Variants in SCFD1 observed in about 807,000 individuals in gnomAD.
The protein encoded by SCFD1 is sec1 family domain-containing protein 1.
SCFD1 carries 37 observed loss-of-function variants against 103.2 expected under a neutral mutation model. The ratio of observed to expected loss-of-function variants is 0.36; its 90% CI spans 0.28 to 0.47. The LOEUF is 0.47. SCFD1 is among the 20% of genes least tolerant of loss of function. The pLI is 1.00. For synonymous variants in SCFD1, 264 were observed against 245.0 expected, an observed-to-expected ratio of 1.08 and a Z score of -0.73; for missense variants, 639 against 761.2, an observed-to-expected ratio of 0.84 and a Z score of 1.89.
intron 14 of SCFD1, chr14:30,683,270 C>A: frequency 9.8e-7 from 1 of 1,019,860 alleles, no homozygotes; most frequent in South Asian, 1.6e-5. Context: ...CATATGTTAC[C>A]CTGGGTGTCC....
chr14:30,691,269 T>G (rs2087375850), intron 14 of SCFD1, among the ~76,000 whole-genome samples: 1 of 152,356 alleles, frequency 6.6e-6, no homozygotes, highest in Non-Finnish European at 1.5e-5. Context: ...TTTGGAGAAT[T>G]AAATGAGATA....
At chr14:30,710,858 A>G (rs1254466401) in intron 19 of SCFD1, among the ~76,000 whole-genome samples, 2 of 152,210 alleles carry the variant, frequency 1.3e-5, no homozygotes, top group Non-Finnish European at 2.9e-5. Flanking sequence ...TGAGTAATTT[A>G]TGCCTGTTAA....
chr14:30,678,296 T>C (rs1022704522), intron 14 of SCFD1, among the ~76,000 whole-genome samples: 2 of 152,208 alleles, frequency 1.3e-5, no homozygotes, highest in Non-Finnish European at 1.5e-5. Context: ...AATTAACCTT[T>C]TTAGAAATCC....
chr14:30,667,901 G>A (rs1332370399), intron 10 of SCFD1, among the ~76,000 whole-genome samples: 2 of 152,174 alleles, frequency 1.3e-5, no homozygotes, highest in African/African-American at 4.8e-5. Flanking sequence ...CGAAATAAAA[G>A]AGGACACAAA....
At chr14:30,692,350 T>C (rs1286977633) in intron 14 of SCFD1, among the ~76,000 whole-genome samples, 1 of 152,118 alleles carries the variant, frequency 6.6e-6, no homozygotes, top group African/African-American at 2.4e-5. Flanking sequence ...TAATATACTG[T>C]GATCTTTGTT....
At chr14:30,714,245 T>C (rs1421781185) in intron 19 of SCFD1, among the ~76,000 whole-genome samples, 1 of 150,868 alleles carries the variant, frequency 6.6e-6, no homozygotes, top group African/African-American at 2.4e-5. Context: ...TCCCAGCTAC[T>C]CGGGAGGCTG....
chr14:30,659,185 T>C (rs954392554), intron 10 of SCFD1, among the ~76,000 whole-genome samples: 3 of 151,468 alleles, frequency 2.0e-5, no homozygotes, highest in Admixed American at 6.6e-5. Context: ...TTTTTTTTTT[T>C]TTTTTGCCTT....
chr14:30,638,856 A>T (rs1387042824), intron 5 of SCFD1, among the ~76,000 whole-genome samples: 1 of 152,192 alleles, frequency 6.6e-6, no homozygotes, highest in Non-Finnish European at 1.5e-5. Context: ...TGGACAAGAT[A>T]TGCATTAAAG....
intron 13 of SCFD1, 110 bp downstream of exon 13, chr14:30,674,107 C>T: frequency 1.4e-6 from 1 of 694,416 alleles, no homozygotes; most frequent in Non-Finnish European, 2.4e-6. Flanking sequence ...TAGGCAATAG[C>T]AAATATAACT....
chr14:30,664,715 T>C (rs1053283576), intron 10 of SCFD1, among the ~76,000 whole-genome samples: 2 of 152,146 alleles, frequency 1.3e-5, no homozygotes, highest in African/African-American at 4.8e-5. Flanking sequence ...CTGATGGAGC[T>C]GAAAACCATG....
chr14:30,678,116 G>T (rs2139239560), intron 14 of SCFD1, among the ~76,000 whole-genome samples: 1 of 152,162 alleles, frequency 6.6e-6, no homozygotes, highest in East Asian at 1.9e-4. Context: ...GGGATTACAG[G>T]CGTGAGCCAC....
intron 19 of SCFD1, 56 bp downstream of exon 19, chr14:30,708,121 G>C: frequency 9.0e-7 from 1 of 1,115,846 alleles, no homozygotes. Context: ...ATGTTGACAG[G>C]CTAACTGCTC....
At chr14:30,719,669 C>T (rs542008656) in intron 21 of SCFD1, among the ~76,000 whole-genome samples, 2 of 151,798 alleles carry the variant, frequency 1.3e-5, no homozygotes, top group Non-Finnish European at 2.9e-5. Context: ...ATTTCGATAA[C>T]GTGTTTTTAA....
chr14:30,660,271 AT>A (rs1280372543), intron 10 of SCFD1, among the ~76,000 whole-genome samples: 24 of 152,254 alleles, frequency 1.6e-4, no homozygotes, highest in African/African-American at 5.1e-4. Context: ...GGCTGATTGT[AT>A]CCTTTTGTAT....
intron 14 of SCFD1, chr14:30,682,903 C>A: frequency 2.6e-6 from 1 of 386,350 alleles, no homozygotes; most frequent in South Asian, 3.7e-5. Context: ...CACAAGGGCT[C>A]AACTGAGGCT....
intron 2 of SCFD1, among the ~76,000 whole-genome samples, chr14:30,629,443 C>A (rs995908479): frequency 6.6e-6 from 1 of 151,942 alleles, no homozygotes; most frequent in Non-Finnish European, 1.5e-5. Context: ...TTGTCTTAAC[C>A]GTGAAACTAA....
chr14:30,631,216 A>G (rs1289669839), intron 3 of SCFD1, among the ~76,000 whole-genome samples: 1 of 152,160 alleles, frequency 6.6e-6, no homozygotes, highest in African/African-American at 2.4e-5. Flanking sequence ...TTAGCCAGGC[A>G]TGGTGGCAGG....
At chr14:30,713,061 A>G (rs1185150582) in intron 19 of SCFD1, among the ~76,000 whole-genome samples, 1 of 152,190 alleles carries the variant, frequency 6.6e-6, no homozygotes, top group East Asian at 1.9e-4. Context: ...TTTAACCAGT[A>G]AAACTTGATT....
chr14:30,694,972 A>G, intron 15 of SCFD1, 103 bp downstream of exon 15: 1 of 1,497,924 alleles, frequency 6.7e-7, no homozygotes, highest in Non-Finnish European at 8.9e-7. Context: ...TCTGACAGTC[A>G]ATGCTAATAT....
Sources: allele counts gnomAD v4.1 joint callset (sites outside exome capture counted in the v4.1 genomes callset), GRCh38; gene constraint gnomAD v4.1.1; transcripts MANE v1.5; gene names NCBI Gene and HGNC (gene_info 2026-07-23, HGNC 2026-07-21).